Variants in IQCK observed in about 807,000 individuals in gnomAD.
IQCK encodes IQ motif containing K, also known as IQ domain-containing protein K.
Under a neutral mutation model 28.1 loss-of-function variants are expected in IQCK, and 29 were observed. That is an observed-to-expected ratio of 1.03 (90% confidence interval 0.77 to 1.41). The LOEUF (loss-of-function observed/expected upper bound fraction) is 1.41. IQCK is among the 40% of genes most tolerant of loss of function. The pLI is 0.00. For missense variants in IQCK, 359 were observed against 314.7 expected (o/e 1.14, Z -1.07); for synonymous variants, 113 against 115.1 (o/e 0.98, Z 0.12).
chr16:19,759,408 C>T (rs555247812), intron 4 of IQCK, among the ~76,000 whole-genome samples: 109 of 152,110 alleles, frequency 7.2e-4, no homozygotes, highest in African/African-American at 1.5e-3. Flanking sequence ...GGGGTTTTGC[C>T]ATGTTGGCCA....
At chr16:19,742,126 C>A (rs1488817027) in intron 4 of IQCK, among the ~76,000 whole-genome samples, 2 of 152,134 alleles carry the variant, frequency 1.3e-5, no homozygotes, top group Non-Finnish European at 2.9e-5. Context: ...TCAGTTTCCT[C>A]AACTATTGAA....
At chr16:19,753,944 G>A (rs1246940988) in intron 4 of IQCK, among the ~76,000 whole-genome samples, 1 of 152,054 alleles carries the variant, frequency 6.6e-6, no homozygotes, top group Non-Finnish European at 1.5e-5. Context: ...TAACTTCCCA[G>A]AAGCTCCAGC....
intron 6 of IQCK, among the ~76,000 whole-genome samples, chr16:19,768,433 A>G (rs1476912300): frequency 1.3e-5 from 2 of 152,188 alleles, no homozygotes; most frequent in South Asian, 2.1e-4. Flanking sequence ...AGCTTTTGGG[A>G]TAGATAAACC....
At chr16:19,798,421 A>AATATAT (rs59816251) in intron 7 of IQCK, among the ~76,000 whole-genome samples, 16 of 115,508 alleles carry the variant, frequency 1.4e-4, no homozygotes, top group Non-Finnish European at 2.1e-4. Context: ...CATCACAAAA[A>AATATAT]ATATATATAT....
intron 2 of IQCK, among the ~76,000 whole-genome samples, chr16:19,733,142 TA>T (rs1455629499): frequency 8.6e-5 from 13 of 151,782 alleles, no homozygotes; most frequent in African/African-American, 2.2e-4. Flanking sequence ...TTTATTTATT[TA>T]TTTTTTTTTT....
intron 1 of IQCK, among the ~76,000 whole-genome samples, 187 bp downstream of exon 1, chr16:19,718,674 C>G (rs1048517805): frequency 4.6e-5 from 7 of 152,210 alleles, no homozygotes; most frequent in African/African-American, 1.7e-4. Context: ...CGAGGTTACG[C>G]AGCGCGGACT....
At chr16:19,759,533 G>A (rs2055106798) in intron 4 of IQCK, among the ~76,000 whole-genome samples, 1 of 152,006 alleles carries the variant, frequency 6.6e-6, no homozygotes, top group Admixed American at 6.6e-5. Flanking sequence ...TAAGCACTGG[G>A]GATATAAAGA....
intron 4 of IQCK, among the ~76,000 whole-genome samples, chr16:19,747,666 C>G (rs959776056): frequency 4.6e-5 from 7 of 152,174 alleles, no homozygotes; most frequent in African/African-American, 1.7e-4. Flanking sequence ...CGAGTCTTCA[C>G]TGTCTGTCAT....
chr16:19,829,319 G>A (rs1293772597), downstream of IQCK, among the ~76,000 whole-genome samples: 2 of 150,488 alleles, frequency 1.3e-5, no homozygotes, highest in Non-Finnish European at 3.0e-5. Context: ...TTCACCGTGA[G>A]ACTCTGTACT....
downstream of IQCK, among the ~76,000 whole-genome samples, chr16:19,828,231 C>CTTTTTTTTTTTT (rs749049124): frequency 9.3e-6 from 1 of 107,254 alleles, no homozygotes; most frequent in Non-Finnish European, 1.8e-5. Context: ...TCTTTCTTTT[C>CTTTTTTTTTTTT]TTTTTTTTTT....
At chr16:19,845,737 A>G (rs2056409131) in intron 9 of IQCK, among the ~76,000 whole-genome samples, 1 of 152,244 alleles carries the variant, frequency 6.6e-6, no homozygotes, top group Non-Finnish European at 1.5e-5. Flanking sequence ...AAAATATTAT[A>G]TTTTCCAGTT....
chr16:19,840,485 T>C (rs577917435), intron 9 of IQCK, among the ~76,000 whole-genome samples: 1 of 152,332 alleles, frequency 6.6e-6, no homozygotes, highest in Admixed American at 6.5e-5. Context: ...CCTTTTTTTC[T>C]AAAACAGAAA....
At chr16:19,797,651 A>G (rs1282025336) in intron 7 of IQCK, among the ~76,000 whole-genome samples, 1 of 123,684 alleles carries the variant, frequency 8.1e-6, no homozygotes, top group African/African-American at 3.6e-5. Flanking sequence ...ATAAAATAAA[A>G]TAACGGAGAT....
chr16:19,725,662 A>G (rs144313117), intron 1 of IQCK, among the ~76,000 whole-genome samples: 244 of 152,356 alleles, frequency 1.6e-3, no homozygotes, highest in Admixed American at 6.7e-3. Context: ...ATGCCTTTCA[A>G]TGTAAAAGCA....
chr16:19,742,370 T>C (rs1267160539), intron 4 of IQCK, among the ~76,000 whole-genome samples: 2 of 152,194 alleles, frequency 1.3e-5, no homozygotes, highest in Admixed American at 6.5e-5. Context: ...CCGTCCCCGG[T>C]CATCTAGTCT....
At chr16:19,752,597 C>T (rs1483762596) in intron 4 of IQCK, among the ~76,000 whole-genome samples, 1 of 152,092 alleles carries the variant, frequency 6.6e-6, no homozygotes, top group African/African-American at 2.4e-5. Flanking sequence ...GAGATAGGGT[C>T]TCACTCTGCT....
intron 4 of IQCK, among the ~76,000 whole-genome samples, chr16:19,742,937 G>C (rs2054857477): frequency 6.6e-6 from 1 of 152,220 alleles, no homozygotes; most frequent in Admixed American, 6.5e-5. Context: ...GGGAGGCCGA[G>C]GCGGGTAGAT....
At chr16:19,818,547 G>A (rs753837594) in intron 7 of IQCK, among the ~76,000 whole-genome samples, 22 of 151,970 alleles carry the variant, frequency 1.4e-4, no homozygotes, top group Admixed American at 3.3e-4. Flanking sequence ...CATGTACCAC[G>A]ATGCCCACCT....
At chr16:19,844,400 G>A (rs181840912) in intron 9 of IQCK, among the ~76,000 whole-genome samples, 50 of 152,232 alleles carry the variant, frequency 3.3e-4, no homozygotes, top group Non-Finnish European at 5.3e-4. Flanking sequence ...AGACTTCAGA[G>A]TTGAACCCAA....
Sources: allele counts gnomAD v4.1 joint callset (sites outside exome capture counted in the v4.1 genomes callset), GRCh38; gene constraint gnomAD v4.1.1; transcripts MANE v1.5; gene names NCBI Gene and HGNC (gene_info 2026-07-23, HGNC 2026-07-21).